LINS1: variants seen among roughly 807,000 people sequenced by gnomAD.
LINS1 encodes the protein lines homolog 1, also known as protein Lines homolog 1.
In LINS1, 27 loss-of-function variants were observed where a neutral mutation model predicts 41.6. The ratio of observed to expected loss-of-function variants is 0.65; its 90% CI spans 0.48 to 0.89. The LOEUF is 0.89. Ranked by LOEUF, LINS1 falls within the 40% of genes least tolerant of loss-of-function variation. The pLI, the probability that LINS1 is intolerant of heterozygous loss-of-function variation, is 0.00. For synonymous variants in LINS1, 336 were observed against 312.9 expected, an observed-to-expected ratio of 1.07 and a Z score of -0.78; for missense variants, 955 against 884.1, an observed-to-expected ratio of 1.08 and a Z score of -1.02.
At chr15:100,589,529 CTCA>C (rs1420951126) in intron 1 of LINS1, among the ~76,000 whole-genome samples, 1 of 152,212 alleles carries the variant, frequency 6.6e-6, no homozygotes, top group Non-Finnish European at 1.5e-5. Flanking sequence ...TAAGCATGGA[CTCA>C]TGGAGGACCA....
intron 3 of LINS1, among the ~76,000 whole-genome samples, chr15:100,578,232 C>T (rs1394154457): frequency 6.6e-6 from 1 of 151,830 alleles, no homozygotes; most frequent in Non-Finnish European, 1.5e-5. Context: ...TCAGAGTGAA[C>T]AGACAACCTA....
At position 100,573,962 on chromosome 15, in the gene LINS1, T is replaced by C. The variant is rs748660935; in HGVS notation, c.911A>G (p.Lys304Arg). The part of the protein sequence containing the change: ...FVKRKVIIFL[K>R]KCLLCKVGED... ...ACCCACTTTACAGAGAAGGCACTTT[T>C]TGAGGAATATGATGACCTTCCTTTT... Residue 304 changes from lysine to arginine, a missense_variant, in exon 5 of 7, where the codon AAA becomes AGA. Coordinates refer to ENST00000314742, the MANE Select transcript of LINS1 (RefSeq NM_001040616.3). The C allele has an allele frequency of 3.1e-6, 5 of 1,614,218 alleles. No homozygotes were observed. The South Asian group carries it at 4.4e-5, about 14-fold the overall frequency.
chr15:100,573,509 T>TTG, intron 5 of LINS1, 142 bp downstream of exon 5: 1 of 757,308 alleles, frequency 1.3e-6, no homozygotes, highest in Non-Finnish European at 2.0e-6. Context: ...TTTTTTTTTT[T>TTG]GAAAATGTAA....
rs1470489379 is a variant in LINS1, at chr15:100,567,429, T to C, written c.*1809A>G. 6.6e-6 allele frequency: 1 copy of C among 152,204 alleles called. No homozygotes were observed. Among genetic ancestry groups the C allele is most frequent in the Non-Finnish European group, 1.5e-5 (1 of 68,030 alleles). The allele number at this position is 152,204 out of a possible 1,614,324, so 9.4% of individuals were successfully genotyped here. On this transcript the variant is annotated 3_prime_UTR_variant, in exon 7 of 7. Transcript: ENST00000314742. ...TCCCAAGGCAACCACTATTATGACT[T>C]TCTTATGTAGTCTTACATACATATT...
At chr15:100,590,448 T>A (rs1438584454) in intron 1 of LINS1, among the ~76,000 whole-genome samples, 4 of 152,104 alleles carry the variant, frequency 2.6e-5, no homozygotes, top group African/African-American at 9.7e-5. Context: ...TATCCCAAGT[T>A]AAAGAGAACA....
chr15:100,571,973 AC>A lies in LINS1; in HGVS notation c.1314del (p.Ser439LeufsTer5). On this transcript the variant is annotated frameshift_variant, in exon 6 of 7. Transcript: ENST00000314742. LOFTEE classifies it high-confidence loss of function. ...SLQLHNPCKW[L>X]SRVFIEQDDD... ...TCGTCTTGTTCTATGAAAACCCGAG[AC>A]AGCCATTTGCACGGATTGTGTAATT... The A allele has an allele frequency of 2.5e-6, 4 of 1,614,204 alleles. No individual in the cohort carries two copies. Among genetic ancestry groups the A allele is most frequent in the Non-Finnish European group, 3.4e-6 (4 of 1,180,030 alleles).
At position 100,573,880 on chromosome 15, in the gene LINS1, CG is replaced by C; in HGVS notation, c.992del (p.Ala331GlyfsTer7). ...CATTAGCTAAAGCCAGCATGTCCAC[CG>C]CTACATGATGGTCTGGCGGCATTAA... ...PALMPPDHHV[A>X]VDMLALANAV... is the part of the protein sequence containing the mutation. On this transcript the variant is annotated frameshift_variant, in exon 5 of 7. Transcript: ENST00000314742. LOFTEE classifies it high-confidence loss of function. 1 of 1,614,206 alleles carries C rather than the reference CG, an allele frequency of 6.2e-7. No individual in the cohort carries two copies. Among genetic ancestry groups the C allele is most frequent in the Non-Finnish European group, 8.5e-7 (1 of 1,180,034 alleles).
chr15:100,588,798 G>C (rs901018606), intron 1 of LINS1, among the ~76,000 whole-genome samples: 6 of 152,168 alleles, frequency 3.9e-5, no homozygotes, highest in African/African-American at 1.4e-4. Context: ...TTAAAAGAGG[G>C]GTGTTTAGGA....
intron 1 of LINS1, among the ~76,000 whole-genome samples, chr15:100,600,551 C>CCAAAAAAAAAAAAAA (rs777968890): frequency 1.3e-5 from 1 of 79,680 alleles, no homozygotes; most frequent in African/African-American, 6.7e-5. Flanking sequence ...TGCTGTTAAG[C>CCAAAAAAAAAAAAAA]AAAAAAAAAA....
intron 5 of LINS1, 199 bp downstream of exon 5, chr15:100,573,452 T>C (rs1369779215): frequency 5.2e-6 from 5 of 955,588 alleles, no homozygotes; most frequent in Non-Finnish European, 7.2e-6. Flanking sequence ...AAATTCATTG[T>C]AGGCACAAAA....
intron 3 of LINS1, among the ~76,000 whole-genome samples, chr15:100,575,436 C>T (rs1240284916): frequency 1.3e-5 from 2 of 152,196 alleles, no homozygotes; most frequent in East Asian, 1.9e-4. Flanking sequence ...AAGACCATTA[C>T]ATAATGGTAC....
chr15:100,576,017 T>A (rs1007942211), intron 3 of LINS1, among the ~76,000 whole-genome samples: 1 of 152,152 alleles, frequency 6.6e-6, no homozygotes, highest in Admixed American at 6.5e-5. Context: ...TGGGACACAT[T>A]TAAAGCAGTA....
intron 3 of LINS1, among the ~76,000 whole-genome samples, chr15:100,580,040 T>C (rs577439042): frequency 2.8e-4 from 43 of 152,216 alleles, no homozygotes; most frequent in African/African-American, 8.2e-4. Flanking sequence ...AAAAATCAAA[T>C]GTCAAAGAGC....
intron 1 of LINS1, among the ~76,000 whole-genome samples, chr15:100,599,819 A>G (rs532412130): frequency 6.6e-6 from 1 of 152,174 alleles, no homozygotes; most frequent in Non-Finnish European, 1.5e-5. Flanking sequence ...TAATCCCAGC[A>G]CTCTGGGAGG....
At chr15:100,572,631 G>A (rs2037894794) in intron 5 of LINS1, 9 of 983,288 alleles carry the variant, frequency 9.2e-6, no homozygotes, top group Non-Finnish European at 1.1e-5. Flanking sequence ...TATAACTAAT[G>A]TGTAGTTATT....
intron 1 of LINS1, among the ~76,000 whole-genome samples, chr15:100,596,674 C>G (rs1266596219): frequency 2.0e-5 from 3 of 152,140 alleles, no homozygotes; most frequent in Non-Finnish European, 4.4e-5. Context: ...CCTGAAAAAT[C>G]AAGCTGCAAG....
chr15:100,569,425 T>C lies in LINS1; in HGVS notation c.2087A>G (p.Glu696Gly). 6.2e-7 allele frequency: 1 copy of C among 1,614,190 alleles called. No individual in the cohort carries two copies. Among genetic ancestry groups the C allele is most frequent in the Admixed American group, 1.7e-5 (1 of 60,018 alleles). ...EFDTAFSFDC[E>G]VAPNDVVSEV... ...AGAGACGACATCATTTGGGGCTACT[T>C]CACAATCAAAGGAGAAGGCAGTATC... is the stretch of plus-strand genomic sequence containing the variant. The change falls in exon 7 of 7, where the codon GAA becomes GGA. Residue 696 changes from glutamate to glycine, a missense_variant. Transcript: ENST00000314742.
In LINS1 at chr15:100,569,477, A is replaced by G. The variant is rs779552573; in HGVS notation, c.2035T>C (p.Ser679Pro). The G allele has an allele frequency of 2.3e-5, 37 of 1,614,104 alleles. No individual in the cohort carries two copies. Among genetic ancestry groups the G allele is most frequent in the Non-Finnish European group, 3.1e-5 (37 of 1,180,032 alleles). The change falls in exon 7 of 7, where the codon TCA becomes CCA. Residue 679 changes from serine to proline, a missense_variant. Physicochemically the swap from Ser to Pro is moderately conservative, Grantham distance 74. Coordinates refer to ENST00000314742, the MANE Select transcript of LINS1 (RefSeq NM_001040616.3). ...DKKEFSLEPP[S>P]RPLVLKEFDT... ...AATTCTTTCAGAACCAGAGGCCTTGATGGAGGCTCAAGGCTAAATTCTTTT... is the reference window on the plus strand; with the variant it reads ...AATTCTTTCAGAACCAGAGGCCTTGGTGGAGGCTCAAGGCTAAATTCTTTT...
rs2037671790 is a variant in LINS1, at chr15:100,569,344, A to G, written c.2168T>C (p.Ile723Thr). The G allele has an allele frequency of 1.9e-6, 3 of 1,614,028 alleles. No homozygotes were observed. Among genetic ancestry groups the G allele is most frequent in the Non-Finnish European group, 2.5e-6 (3 of 1,180,032 alleles). The change falls in exon 7 of 7, where the codon ATC becomes ACC. Residue 723 changes from isoleucine (I) to threonine (T), a missense_variant. Physicochemically the swap from Ile to Thr is moderately conservative, Grantham distance 89. Coordinates refer to ENST00000314742, the MANE Select transcript of LINS1 (RefSeq NM_001040616.3). ...VKCFQELQDA[I>T]CRLQKKNLFP... The stretch of plus-strand genomic sequence containing the variant: ...AAGATTTTTCTTTTGCAAACGGCAG[A>G]TGGCATCTTGTAGTTCCTGGAAGCA...
Sources: gnomAD v4.1 joint callset for allele counts (sites outside exome capture counted in the v4.1 genomes callset) on GRCh38, gnomAD v4.1.1 for gene constraint, MANE v1.5 for transcripts, NCBI Gene and HGNC (gene_info 2026-07-23, HGNC 2026-07-21) for gene names.